Variants in TMEM117 observed in about 807,000 individuals in gnomAD.
TMEM117 encodes the protein transmembrane protein 117.
TMEM117 carries 27 observed loss-of-function variants against 52.4 expected under a neutral mutation model. That is an observed-to-expected ratio of 0.51 (90% CI 0.38 to 0.71). The LOEUF is 0.71. Among genes scored for constraint, TMEM117 ranks in the 30% least tolerant of loss-of-function variants. TMEM117 has a pLI of 0.00. For synonymous variants in TMEM117, 215 were observed against 206.3 expected (o/e 1.04, Z -0.36); for missense variants, 556 against 630.5 (o/e 0.88, Z 1.26).
intron 4 of TMEM117, among the ~76,000 whole-genome samples, chr12:44,184,277 TG>T (rs1949246653): frequency 6.6e-6 from 1 of 152,122 alleles, no homozygotes; most frequent in Admixed American, 6.6e-5. Context: ...ACCTGGGAGA[TG>T]GAGGCTGCAA....
intron 3 of TMEM117, among the ~76,000 whole-genome samples, chr12:44,119,109 T>A (rs1280596238): frequency 6.6e-6 from 1 of 152,246 alleles, no homozygotes; most frequent in African/African-American, 2.4e-5. Flanking sequence ...CCACTTTGAA[T>A]GCAATGTGTG....
chr12:44,148,428 A>ATGATTTTAGAAAAAATGTGT (rs1372421014), intron 4 of TMEM117, among the ~76,000 whole-genome samples: 4 of 152,226 alleles, frequency 2.6e-5, no homozygotes, highest in Non-Finnish European at 5.9e-5. Context: ...TAGCAAGAAT[A>ATGATTTTAGAAAAAATGTGT]TGATTTTAGA....
chr12:44,125,858 A>G (rs1330310740), intron 3 of TMEM117, among the ~76,000 whole-genome samples: 1 of 152,114 alleles, frequency 6.6e-6, no homozygotes, highest in East Asian at 1.9e-4. Context: ...ATTTAGTGCT[A>G]TAAATTTGTC....
chr12:44,365,459 G>GA (rs908370147), intron 6 of TMEM117, among the ~76,000 whole-genome samples: 1 of 152,000 alleles, frequency 6.6e-6, no homozygotes, highest in Non-Finnish European at 1.5e-5. Context: ...AAAATGTCAT[G>GA]AAAAATCTTA....
At chr12:44,179,363 G>A (rs1378254474) in intron 4 of TMEM117, among the ~76,000 whole-genome samples, 1 of 152,190 alleles carries the variant, frequency 6.6e-6, no homozygotes, top group East Asian at 1.9e-4. Flanking sequence ...AAGTCCAAAA[G>A]CCTCAAAACC....
chr12:44,217,280 C>T (rs965356007), intron 5 of TMEM117, among the ~76,000 whole-genome samples: 1 of 152,018 alleles, frequency 6.6e-6, no homozygotes, highest in African/African-American at 2.4e-5. Context: ...GTTTTATGAG[C>T]CATGGTTCAA....
chr12:44,374,441 C>A (rs1338568632), intron 6 of TMEM117, among the ~76,000 whole-genome samples: 1 of 152,100 alleles, frequency 6.6e-6, no homozygotes, highest in African/African-American at 2.4e-5. Context: ...TCACACTTCA[C>A]ACCCCCAGGC....
intron 3 of TMEM117, among the ~76,000 whole-genome samples, chr12:43,997,738 A>G (rs559957717): frequency 8.1e-4 from 123 of 152,308 alleles, no homozygotes; most frequent in Admixed American, 2.2e-3. Flanking sequence ...TTTACTATAA[A>G]GCCCTGTAGG....
chr12:44,381,813 GT>G (rs201746416), intron 7 of TMEM117, among the ~76,000 whole-genome samples: 3 of 151,132 alleles, frequency 2.0e-5, no homozygotes, highest in Admixed American at 6.6e-5. Flanking sequence ...CCCAGAGACT[GT>G]TTTTTTTTAA....
chr12:44,146,258 A>G (rs1382180223), intron 4 of TMEM117, among the ~76,000 whole-genome samples: 1 of 152,142 alleles, frequency 6.6e-6, no homozygotes, highest in Non-Finnish European at 1.5e-5. Flanking sequence ...GCTGACCTTC[A>G]TAGTTTCTTC....
chr12:43,863,769 C>A (rs1195416314), intron 2 of TMEM117, among the ~76,000 whole-genome samples: 1 of 152,240 alleles, frequency 6.6e-6, no homozygotes, highest in East Asian at 1.9e-4. Flanking sequence ...ACTCTCGGTG[C>A]CTCCTTGGCC....
At chr12:43,981,055 C>T (rs1236380924) in intron 3 of TMEM117, among the ~76,000 whole-genome samples, 1 of 152,130 alleles carries the variant, frequency 6.6e-6, no homozygotes, top group African/African-American at 2.4e-5. Context: ...GAACAGCTGC[C>T]TTCAGCTCAT....
At chr12:43,806,894 G>A in the TMEM117 span, among the ~76,000 whole-genome samples, 1 of 152,198 alleles carries the variant, frequency 6.6e-6, no homozygotes, top group Admixed American at 6.5e-5. Flanking sequence ...ACTCCGGAAA[G>A]AGACAGCCAC....
chr12:43,982,709 A>G (rs867414719), intron 3 of TMEM117, among the ~76,000 whole-genome samples: 21 of 152,182 alleles, frequency 1.4e-4, no homozygotes, highest in Middle Eastern at 3.4e-3. Flanking sequence ...CTCAGTCACA[A>G]TCTCTCCTGG....
At chr12:44,338,949 G>T (rs138891170) in intron 6 of TMEM117, among the ~76,000 whole-genome samples, 12 of 152,160 alleles carry the variant, frequency 7.9e-5, no homozygotes, top group African/African-American at 2.9e-4. Context: ...TAGAACAGCT[G>T]CCAAGAGAGC....
intron 6 of TMEM117, among the ~76,000 whole-genome samples, chr12:44,347,363 A>T (rs931656612): frequency 1.3e-5 from 2 of 152,120 alleles, no homozygotes; most frequent in African/African-American, 4.8e-5. Context: ...TATGTTCCCA[A>T]GAATGCTCTA....
chr12:44,235,933 A>T (rs939154560), intron 5 of TMEM117, among the ~76,000 whole-genome samples: 1 of 151,750 alleles, frequency 6.6e-6, no homozygotes, highest in Admixed American at 6.6e-5. Flanking sequence ...TTTCAAAGAC[A>T]TCATTTCACT....
chr12:44,190,487 G>T (rs1949336918), intron 4 of TMEM117, among the ~76,000 whole-genome samples: 2 of 152,104 alleles, frequency 1.3e-5, no homozygotes, highest in Non-Finnish European at 2.9e-5. Flanking sequence ...TCTGATGCCT[G>T]TTGCTGACTT....
At chr12:44,039,657 C>A (rs889667763) in intron 3 of TMEM117, among the ~76,000 whole-genome samples, 2 of 151,950 alleles carry the variant, frequency 1.3e-5, no homozygotes, top group East Asian at 3.9e-4. Context: ...GGGTTTTAAT[C>A]TGTGAATGCG....
Sources: gnomAD v4.1 joint callset for allele counts (sites outside exome capture counted in the v4.1 genomes callset) on GRCh38, gnomAD v4.1.1 for gene constraint, MANE v1.5 for transcripts, NCBI Gene and HGNC (gene_info 2026-07-23, HGNC 2026-07-21) for gene names.